KIF21B: variants seen among roughly 807,000 people sequenced by gnomAD.
KIF21B encodes kinesin-like protein KIF21B.
KIF21B carries 85 observed loss-of-function variants against 192.9 expected under a neutral mutation model. The ratio of observed to expected loss-of-function variants is 0.44; its 90% CI spans 0.37 to 0.53. The LOEUF (loss-of-function observed/expected upper bound fraction) is 0.53, where lower values mean the gene tolerates loss of function less well. KIF21B is among the 20% of genes least tolerant of loss of function. KIF21B has a pLI of 0.00. For synonymous variants in KIF21B, 832 were observed against 884.6 expected (o/e 0.94, Z 1.05); for missense variants, 1,716 against 2,194.8 (o/e 0.78, Z 4.36).
At chr1:200,985,681 G>A (rs1294436722) in intron 26 of KIF21B, among the ~76,000 whole-genome samples, 2 of 152,016 alleles carry the variant, frequency 1.3e-5, no homozygotes, top group Non-Finnish European at 2.9e-5. Context: ...ACCAGCTGGG[G>A]ACTTCCCTGC....
rs747818334 is a variant in KIF21B at position 201,005,433 on chromosome 1, A to C, written c.607T>G (p.Cys203Gly). The change falls in exon 5 of 35, where the codon TGC (cysteine) becomes GGC (glycine). Residue 203 changes from cysteine (C) to glycine (G), a missense_variant. Physicochemically the swap from Cys to Gly is radical, Grantham distance 159. This residue lies in a region of KIF21B where 1,087 missense variants were observed against 1,316.6 expected (regional missense o/e 0.83). Coordinates refer to ENST00000461742, the MANE Select transcript of KIF21B (RefSeq NM_001252102.2). ...CGGGACAGGGCCCCCTGCTTCAGGC[A>C]CTGGATCAGCTGGAAACAGAAGCAG... ...LIHSQEELIQ[C>G]LKQGALSRTT... is the part of the protein sequence containing the mutation. 6.2e-7 allele frequency: 1 copy of C among 1,607,908 alleles called. No individual in the cohort carries two copies. The highest frequency in any genetic ancestry group is 1.3e-5 in the African/African-American group (1 of 74,848).
At chr1:200,995,474 C>T (rs570011895) in intron 15 of KIF21B, among the ~76,000 whole-genome samples, 1 of 152,326 alleles carries the variant, frequency 6.6e-6, no homozygotes, top group Admixed American at 6.5e-5. Flanking sequence ...ACACCAGACA[C>T]TGGAAACACA....
At chr1:200,985,751 C>T (rs1183118542) in intron 26 of KIF21B, among the ~76,000 whole-genome samples, 1 of 144,682 alleles carries the variant, frequency 6.9e-6, no homozygotes, top group African/African-American at 2.6e-5. Flanking sequence ...TCCTTCCTTC[C>T]TTCCTTTTCC....
rs776035656 is a variant in KIF21B at position 200,991,098 on chromosome 1, G to A, written c.2506C>T (p.Arg836Cys). 1.9e-5 allele frequency: 30 copies of A among 1,613,780 alleles called. No individual in the cohort carries two copies. The highest frequency in any genetic ancestry group is 1.6e-4 in the Middle Eastern group (1 of 6,082). Reference protein sequence around the residue: ...AKPMSERVAGRAGLKPPMLDS... With the variant: ...AKPMSERVAGCAGLKPPMLDS... Reference sequence around the variant, plus strand: ...AGCATGGGTGGCTTTAGTCCTGCACGCCCTGCCACCCGCTCAGACATGGGC... The same window carrying A: ...AGCATGGGTGGCTTTAGTCCTGCACACCCTGCCACCCGCTCAGACATGGGC... The change falls in exon 18 of 35, where the codon CGT (arginine) becomes TGT (cysteine). Residue 836 changes from arginine (R) to cysteine (C), a missense_variant. By Grantham distance (180) the Arg-to-Cys change is radical. Coordinates refer to ENST00000461742, the MANE Select transcript of KIF21B (RefSeq NM_001252102.2).
Position 200,989,956 on chromosome 1 carries a change from C to T in KIF21B, c.3118G>A (p.Ala1040Thr). 11 of 1,613,900 alleles carry T rather than the reference C, an allele frequency of 6.8e-6. No individual in the cohort carries two copies. The highest frequency in any genetic ancestry group is 9.3e-6 in the Non-Finnish European group (11 of 1,179,880). ...TCCCAGCTTACCTTGTCAATGGATGCCTTGAGGAAGTTGTCTAGCAGGAGG... is the reference window on the plus strand; with the variant it reads ...TCCCAGCTTACCTTGTCAATGGATGTCTTGAGGAAGTTGTCTAGCAGGAGG... ...ARLLLDNFLKASIDKGLQVAQ... is the reference protein window; with the variant it reads ...ARLLLDNFLKTSIDKGLQVAQ... The change falls in exon 21 of 35, where the codon GCA (alanine) becomes ACA (threonine). Residue 1040 changes from alanine to threonine, a missense_variant. Ala to Thr is a moderately conservative substitution (Grantham distance 58). Coordinates refer to ENST00000461742, the MANE Select transcript of KIF21B (RefSeq NM_001252102.2).
At chr1:200,997,441 A>G (rs1186634857) in intron 14 of KIF21B, among the ~76,000 whole-genome samples, 1 of 152,158 alleles carries the variant, frequency 6.6e-6, no homozygotes, top group Non-Finnish European at 1.5e-5. Flanking sequence ...CTTCACGACC[A>G]TCCTTTAAAA....
intron 28 of KIF21B, among the ~76,000 whole-genome samples, chr1:200,981,734 G>A (rs1031847047): frequency 2.6e-5 from 4 of 152,146 alleles, no homozygotes; most frequent in Non-Finnish European, 5.9e-5. Flanking sequence ...AAATCCCTTT[G>A]GGGCTGGCTT....
Position 200,998,416 on chromosome 1 carries a change from T to TG in KIF21B, c.2044dup (p.Gln682ProfsTer19). 3.1e-6 allele frequency: 5 copies of TG among 1,613,960 alleles called. No homozygotes were observed. Among genetic ancestry groups the TG allele is most frequent in the Non-Finnish European group, 4.2e-6 (5 of 1,180,020 alleles). On this transcript the variant is annotated frameshift_variant, in exon 14 of 35. Coordinates refer to ENST00000461742, the MANE Select transcript of KIF21B (RefSeq NM_001252102.2). LOFTEE classifies it high-confidence loss of function. This position sits in a 1 kb window ranked among gnomAD's most constrained non-coding sequence, Gnocchi z 4.3. ...CTGCAGCACACGGTCGCGCTCCAGC[T>TG]GTGTGTCTCGGATCTTGTTCTGCAG...
In KIF21B at chr1:200,990,833, G is replaced by A; in HGVS notation, c.2687+84C>T. On this transcript the variant is annotated intron_variant, in intron 18 of 34. Coordinates refer to ENST00000461742, the MANE Select transcript of KIF21B (RefSeq NM_001252102.2). This position sits in a 1 kb window ranked among gnomAD's most constrained non-coding sequence, Gnocchi z 5.4. ...ACGGGGACCCGGAGCACTCCCCAGAGCTTCCCTCTTCCTCACCCTGGCCCT... is the reference window on the plus strand; with the variant it reads ...ACGGGGACCCGGAGCACTCCCCAGAACTTCCCTCTTCCTCACCCTGGCCCT... 6.3e-7 allele frequency: 1 copy of A among 1,596,270 alleles called. No homozygotes were observed. The highest frequency in any genetic ancestry group is 8.6e-7 in the Non-Finnish European group (1 of 1,166,784).
rs1049065986 is a variant in KIF21B, at chr1:200,981,533, G to A, written c.3843-437C>T. Among the ~76,000 whole-genome samples, 7 of 152,306 alleles carry A rather than the reference G, an allele frequency of 4.6e-5. No homozygotes were observed. The South Asian group carries it at 1.2e-3, about 27-fold the overall frequency. ...AAGCTGCATGCTGCTTCAGTTAACC[G>A]AGTGTGAGGGAGGGGTGCTGAGAGG... On this transcript the variant is annotated intron_variant, in intron 28 of 34. Transcript: ENST00000461742.
intron 15 of KIF21B, 37 bp downstream of exon 15, chr1:200,996,159 C>G: frequency 6.3e-6 from 10 of 1,585,772 alleles, no homozygotes; most frequent in Non-Finnish European, 8.6e-6. Context: ...ATGTCACAGG[C>G]ACTCCAGGCC....
At chr1:200,997,996 T>C (rs1657189293) in intron 14 of KIF21B, among the ~76,000 whole-genome samples, 1 of 151,944 alleles carries the variant, frequency 6.6e-6, no homozygotes, top group Non-Finnish European at 1.5e-5. Context: ...AATCAATGAA[T>C]GAATAAAAAA....
At chr1:201,006,391 A>G (rs1657821799) in intron 3 of KIF21B, among the ~76,000 whole-genome samples, 2 of 152,222 alleles carry the variant, frequency 1.3e-5, no homozygotes, top group African/African-American at 4.8e-5. Flanking sequence ...TGGGATGTTC[A>G]ACAGGCAGGG....
At chr1:201,016,315 A>G (rs1046336112) in intron 1 of KIF21B, among the ~76,000 whole-genome samples, 1 of 152,234 alleles carries the variant, frequency 6.6e-6, no homozygotes, top group Non-Finnish European at 1.5e-5. Flanking sequence ...GTCTGCTGGG[A>G]AAGCGTTTTC....
intron 1 of KIF21B, among the ~76,000 whole-genome samples, chr1:201,011,408 CAG>C (rs1425090453): frequency 1.3e-5 from 2 of 152,240 alleles, no homozygotes; most frequent in African/African-American, 4.8e-5. Flanking sequence ...GGCACACAGC[CAG>C]AGTCACAGGT....
intron 1 of KIF21B, among the ~76,000 whole-genome samples, chr1:201,018,965 T>C (rs982044429): frequency 2.0e-5 from 3 of 152,236 alleles, no homozygotes; most frequent in South Asian, 4.1e-4. Context: ...GAAAGATTCT[T>C]GCTTAGTCAC....
At chr1:200,973,732 AGGTGGTGG>A in intron 34 of KIF21B, 154 bp from the exon 35 acceptor site, 1 of 1,476,684 alleles carries the variant, frequency 6.8e-7, no homozygotes. Flanking sequence ...GGTGGACTGC[AGGTGGTGG>A]GGTGCTGGGC....
chr1:201,004,457 TG>T lies in KIF21B; in HGVS notation c.901-3del. Reference sequence around the variant, plus strand: ...GCTGATCACATTGCCCAAGGCCAGCTGTGGGAGACAGACCCTGGCACTCAGC... The same window carrying T: ...GCTGATCACATTGCCCAAGGCCAGCTTGGGAGACAGACCCTGGCACTCAGC... On this transcript the variant is annotated splice_region_variant and splice_polypyrimidine_tract_variant and intron_variant, in intron 6 of 34. Transcript: ENST00000461742. 6.4e-7 allele frequency: 1 copy of T among 1,566,490 alleles called. No homozygotes were observed.
Position 200,999,540 on chromosome 1 carries a change from CA to C in KIF21B, c.1768-75del. 1 of 1,573,962 alleles carries C rather than the reference CA, an allele frequency of 6.4e-7. No individual in the cohort carries two copies. Among genetic ancestry groups the C allele is most frequent in the Non-Finnish European group, 8.6e-7 (1 of 1,160,718 alleles). On this transcript the variant is annotated intron_variant, in intron 12 of 34. Transcript: ENST00000461742. The surrounding 1 kb of genome is among the most constrained non-coding windows in gnomAD (Gnocchi z 4.7). ...CCAGAAGCAGAGGTGCATCCCGACA[CA>C]ATGCCTCAGGTGTGTCAGGAGGGTG...
Sources: allele counts gnomAD v4.1 joint callset (sites outside exome capture counted in the v4.1 genomes callset), GRCh38; gene constraint gnomAD v4.1.1; regional missense constraint gnomAD v4.1.1; non-coding constraint Gnocchi (gnomAD v3.1); transcripts MANE v1.5; gene names NCBI Gene and HGNC (gene_info 2026-07-23, HGNC 2026-07-21).